Variants in DCBLD1 observed in about 807,000 individuals in gnomAD.
DCBLD1 encodes the protein discoidin, CUB and LCCL domain containing 1, also known as discoidin, CUB and LCCL domain-containing protein 1.
DCBLD1 carries 57 observed loss-of-function variants against 71.5 expected under a neutral mutation model. The observed-to-expected ratio is 0.80, with a 90% CI of 0.64 to 0.99. The LOEUF (loss-of-function observed/expected upper bound fraction) is 0.99. Ranked by LOEUF, DCBLD1 falls within the 50% of genes least tolerant of loss-of-function variation. The probability of loss-of-function intolerance (pLI) is 0.00; values close to 1 mark genes in which losing one functional copy is unlikely to be tolerated. For missense variants in DCBLD1, 891 were observed against 923.5 expected (o/e 0.96, Z 0.46); for synonymous variants, 380 against 363.8 (o/e 1.04, Z -0.51).
intron 14 of DCBLD1, among the ~76,000 whole-genome samples, chr6:117,558,134 C>T (rs1030639062): frequency 1.3e-5 from 2 of 152,336 alleles, no homozygotes; most frequent in East Asian, 1.9e-4. Context: ...AGGTTTTCCT[C>T]ACCAGGGCCT....
chr6:117,567,760 A>G (rs913924791), intron 14 of DCBLD1, among the ~76,000 whole-genome samples: 3 of 152,066 alleles, frequency 2.0e-5, no homozygotes, highest in Non-Finnish European at 4.4e-5. Context: ...CAGAAAGCAG[A>G]TAACTTTCCC....
chr6:117,512,585 G>T, intron 2 of DCBLD1, among the ~76,000 whole-genome samples: 1 of 152,170 alleles, frequency 6.6e-6, no homozygotes, highest in East Asian at 1.9e-4. Flanking sequence ...TGTTTTATCA[G>T]CATACCTCTG....
chr6:117,528,569 T>C (rs182547673), intron 5 of DCBLD1, among the ~76,000 whole-genome samples: 2 of 152,344 alleles, frequency 1.3e-5, no homozygotes, highest in East Asian at 1.9e-4. Context: ...GAAAGTTGTT[T>C]AGCCTTAGTT....
intron 5 of DCBLD1, among the ~76,000 whole-genome samples, chr6:117,530,747 T>A (rs926432963): frequency 2.0e-5 from 3 of 152,222 alleles, no homozygotes; most frequent in Non-Finnish European, 4.4e-5. Context: ...CTCTGTTTTG[T>A]TTGGACCCAG....
chr6:117,536,955 C>T (rs1294802965), intron 6 of DCBLD1, among the ~76,000 whole-genome samples: 1 of 152,164 alleles, frequency 6.6e-6, no homozygotes, highest in Non-Finnish European at 1.5e-5. Context: ...TTCCTAGCCC[C>T]TTGTCACTTA....
chr6:117,548,021 A>ATAG lies in DCBLD1; in HGVS notation c.1730_1731insTAG (p.His577_Tyr578insSer). ...GGGGTGAGCACCGATGCCGGCGGCC[A>ATAG]CTATGACTGCCCGCAGCGGGCCGGC... On this transcript the variant is annotated inframe_insertion, in exon 15 of 15. Transcript: ENST00000338728. 6.5e-7 allele frequency: 1 copy of ATAG among 1,550,180 alleles called. No homozygotes were observed. Among genetic ancestry groups the ATAG allele is most frequent in the Non-Finnish European group, 8.7e-7 (1 of 1,146,746 alleles).
chr6:117,543,064 TC>T lies in DCBLD1; in HGVS notation c.1358-59del, dbSNP rs1477494002. The T allele has an allele frequency of 2.9e-6, 4 of 1,390,712 alleles. No homozygotes were observed. In the African/African-American group the frequency reaches 4.3e-5, roughly 15 times the overall value. 86.1% of individuals were successfully genotyped at this position (1,390,712 alleles called of 1,614,324 possible). ...TTTCAATTCCATGTTCAGTTTTAAA[TC>T]ATGAAAAGTGGTTGTTGGTCATTTA... On this transcript the variant is annotated intron_variant, in intron 11 of 14. Coordinates refer to ENST00000338728, the MANE Select transcript of DCBLD1 (RefSeq NM_001366458.2).
chr6:117,496,124 T>C (rs1450571009), intron 1 of DCBLD1, among the ~76,000 whole-genome samples: 1 of 152,220 alleles, frequency 6.6e-6, no homozygotes, highest in Non-Finnish European at 1.5e-5. Context: ...ATCATCCTTA[T>C]TAGATCACTA....
intron 12 of DCBLD1, 48 bp from the exon 13 acceptor site, chr6:117,544,480 C>T (rs551436880): frequency 2.5e-6 from 4 of 1,590,776 alleles, no homozygotes; most frequent in Non-Finnish European, 3.4e-6. Context: ...GAGAGAGAGG[C>T]AGATACATTG....
chr6:117,535,561 T>A (rs1368581737), intron 6 of DCBLD1, among the ~76,000 whole-genome samples: 1 of 152,224 alleles, frequency 6.6e-6, no homozygotes, highest in Non-Finnish European at 1.5e-5. Flanking sequence ...TTCCAGTTGA[T>A]AACGGAGGAA....
chr6:117,527,891 A>G (rs900813742), intron 5 of DCBLD1, among the ~76,000 whole-genome samples: 1 of 152,154 alleles, frequency 6.6e-6, no homozygotes, highest in African/African-American at 2.4e-5. Flanking sequence ...TATGTTTCCA[A>G]TGCCAGTGAA....
At chr6:117,554,296 C>T (rs1253328044), downstream of DCBLD1, among the ~76,000 whole-genome samples, 2 of 152,220 alleles carry the variant, frequency 1.3e-5, no homozygotes, top group African/African-American at 4.8e-5. Context: ...GTAGCTCCCA[C>T]CTTAGCATGA....
intron 1 of DCBLD1, 130 bp downstream of exon 1, chr6:117,483,023 A>G: frequency 1.0e-6 from 1 of 988,562 alleles, no homozygotes. Flanking sequence ...CGCGGGAGGA[A>G]GTCGGGCTCG....
downstream of DCBLD1, among the ~76,000 whole-genome samples, chr6:117,550,507 G>A (rs539939299): frequency 1.3e-5 from 2 of 152,216 alleles, no homozygotes; most frequent in South Asian, 2.1e-4. Context: ...TTAAATTTGC[G>A]GTTGAAACAC....
At chr6:117,546,685 C>G (rs1017221394) in intron 14 of DCBLD1, among the ~76,000 whole-genome samples, 1 of 152,110 alleles carries the variant, frequency 6.6e-6, no homozygotes, top group Non-Finnish European at 1.5e-5. Context: ...CGGGTTCTGT[C>G]TCACCCCCAC....
intron 5 of DCBLD1, among the ~76,000 whole-genome samples, chr6:117,530,948 A>G (rs1778698044): frequency 6.6e-6 from 1 of 151,936 alleles, no homozygotes; most frequent in African/African-American, 2.4e-5. Flanking sequence ...CATCTGTTTC[A>G]GTATTCTCAT....
intron 6 of DCBLD1, among the ~76,000 whole-genome samples, chr6:117,532,647 T>C (rs1778762807): frequency 6.6e-6 from 1 of 152,190 alleles, no homozygotes; most frequent in African/African-American, 2.4e-5. Flanking sequence ...CAGAGGAGTG[T>C]TTTTACTCTC....
intron 2 of DCBLD1, among the ~76,000 whole-genome samples, chr6:117,507,435 A>G (rs1314626999): frequency 6.6e-6 from 1 of 152,218 alleles, no homozygotes; most frequent in African/African-American, 2.4e-5. Context: ...TTCAGATTCA[A>G]GAATCCATTA....
At chr6:117,532,879 T>C (rs1778769645) in intron 6 of DCBLD1, among the ~76,000 whole-genome samples, 1 of 152,230 alleles carries the variant, frequency 6.6e-6, no homozygotes, top group South Asian at 2.1e-4. Flanking sequence ...GTTAACGTTA[T>C]ATTCTTCGTT....
Sources: allele counts gnomAD v4.1 joint callset (sites outside exome capture counted in the v4.1 genomes callset), GRCh38; gene constraint gnomAD v4.1.1; transcripts MANE v1.5; gene names NCBI Gene and HGNC (gene_info 2026-07-23, HGNC 2026-07-21).